The following SYN3 variants were observed in gnomAD, a reference collection of about 807,000 sequenced individuals.
The protein encoded by SYN3 is synapsin-3.
In SYN3, 35 loss-of-function variants were observed where a neutral mutation model predicts 65.8. That is an observed-to-expected ratio of 0.53 (90% confidence interval 0.41 to 0.70). The LOEUF (loss-of-function observed/expected upper bound fraction) is 0.70. Among genes scored for constraint, SYN3 ranks in the 30% least tolerant of loss-of-function variants. The pLI is 0.00. For synonymous variants in SYN3, 270 were observed against 292.9 expected (o/e 0.92, Z 0.80); for missense variants, 680 against 749.0 (o/e 0.91, Z 1.08).
chr22:32,980,613 T>C lies in SYN3; in HGVS notation c.369+32A>G. 5 of 1,608,748 alleles carry C rather than the reference T, an allele frequency of 3.1e-6. No homozygotes were observed. The South Asian group carries it at 3.3e-5, about 11-fold the overall frequency. On this transcript the variant is annotated intron_variant, in intron 3 of 13. Coordinates refer to ENST00000358763, the MANE Select transcript of SYN3 (RefSeq NM_003490.4). The stretch of plus-strand genomic sequence containing the variant: ...CAGCCCCAGCGGCAGAAAAGGTCAG[T>C]TGACAGTGCTAAAGACACAGCTCCC...
rs1257793508 is a variant in SYN3, at chr22:32,512,879, CA to C, written c.*812del. On this transcript the variant is annotated 3_prime_UTR_variant, in exon 14 of 14. Transcript: ENST00000358763. ...AAACAGTGGTGGAACAGAATGGGTACAGGAGCCCTAACCTGACCCTTTCCTT... is the reference window on the plus strand; with the variant it reads ...AAACAGTGGTGGAACAGAATGGGTACGGAGCCCTAACCTGACCCTTTCCTT... 7 of 152,222 alleles carry C rather than the reference CA, an allele frequency of 4.6e-5. No individual in the cohort carries two copies. The highest frequency in any genetic ancestry group is 3.2e-3 in the Middle Eastern group (1 of 316). 9.4% of individuals were successfully genotyped at this position (152,222 alleles called of 1,614,324 possible).
chr22:32,680,087 A>G (rs2060503937), intron 6 of SYN3, among the ~76,000 whole-genome samples: 1 of 152,114 alleles, frequency 6.6e-6, no homozygotes, highest in African/African-American at 2.4e-5. Flanking sequence ...AGGTTCAGGT[A>G]ATATTCTGTA....
At chr22:33,010,837 T>C (rs769520792) in intron 1 of SYN3, among the ~76,000 whole-genome samples, 13 of 152,166 alleles carry the variant, frequency 8.5e-5, no homozygotes, top group Non-Finnish European at 1.5e-4. Flanking sequence ...TTTTGCTAAA[T>C]TTATTCCTAT....
intron 7 of SYN3, among the ~76,000 whole-genome samples, chr22:32,548,576 G>A (rs1378781407): frequency 6.6e-6 from 1 of 151,800 alleles, no homozygotes; most frequent in African/African-American, 2.4e-5. Context: ...GTTTCACCAT[G>A]TTAGCCAGGA....
chr22:32,715,778 C>CAAAAAA, intron 6 of SYN3, among the ~76,000 whole-genome samples: 1 of 67,592 alleles, frequency 1.5e-5, no homozygotes, highest in Non-Finnish European at 3.0e-5. Context: ...GACTCTGTCT[C>CAAAAAA]AAAAAAAAAA....
chr22:32,885,722 AG>A (rs1271683072), intron 4 of SYN3, among the ~76,000 whole-genome samples: 7 of 151,940 alleles, frequency 4.6e-5, no homozygotes, highest in Non-Finnish European at 1.0e-4. Flanking sequence ...CACCATGCCC[AG>A]CTAATTTTTG....
chr22:32,769,377 C>T (rs921924523), intron 6 of SYN3, among the ~76,000 whole-genome samples: 10 of 152,182 alleles, frequency 6.6e-5, no homozygotes, highest in Non-Finnish European at 1.5e-4. Flanking sequence ...CTGCACTTGA[C>T]ATAGTTGATC....
chr22:33,004,982 T>C lies in SYN3; in HGVS notation c.311+1370A>G, dbSNP rs142223513. Among the ~76,000 whole-genome samples, 36 of 152,258 alleles carry C rather than the reference T, an allele frequency of 2.4e-4. No homozygotes were observed. The East Asian group carries it at 5.6e-3, about 24-fold the overall frequency. On this transcript the variant is annotated intron_variant, in intron 2 of 13. Transcript: ENST00000358763. The stretch of plus-strand genomic sequence containing the variant: ...GGTTACCCCCACGTTGGTGTTCTCA[T>C]TGTAGTGAGTGAGTTCTCACAAGAG...
intron 7 of SYN3, among the ~76,000 whole-genome samples, chr22:32,556,804 G>GTTTTTTTTTTTTTTT (rs1555895619): frequency 2.3e-5 from 1 of 43,884 alleles, no homozygotes; most frequent in Admixed American, 3.4e-4. Flanking sequence ...AGGTTTCCTG[G>GTTTTTTTTTTTTTTT]TTTTTTTTTT....
chr22:32,882,962 C>A (rs777169546), intron 4 of SYN3, among the ~76,000 whole-genome samples: 2 of 152,136 alleles, frequency 1.3e-5, no homozygotes, highest in Non-Finnish European at 2.9e-5. Flanking sequence ...CCACCAGGCC[C>A]TGACTGTGTC....
At chr22:32,528,215 C>T (rs2058013514) in intron 11 of SYN3, among the ~76,000 whole-genome samples, 1 of 152,196 alleles carries the variant, frequency 6.6e-6, no homozygotes, top group African/African-American at 2.4e-5. Flanking sequence ...GCATTCTCTG[C>T]GATAAAGCCT....
intron 2 of SYN3, among the ~76,000 whole-genome samples, chr22:32,982,967 A>C (rs1353594545): frequency 6.6e-6 from 1 of 152,222 alleles, no homozygotes; most frequent in Non-Finnish European, 1.5e-5. Context: ...TTCTAATTCC[A>C]TATCTGTGCT....
At chr22:32,935,243 T>G (rs999393367) in intron 3 of SYN3, among the ~76,000 whole-genome samples, 8 of 152,054 alleles carry the variant, frequency 5.3e-5, no homozygotes, top group African/African-American at 1.9e-4. Flanking sequence ...ACCAAAAACA[T>G]GCGCATAGAA....
intron 6 of SYN3, chr22:32,784,911 C>T (rs2046153816): frequency 6.6e-6 from 1 of 152,126 alleles, no homozygotes; most frequent in South Asian, 2.1e-4. Context: ...GGGCTTGAGC[C>T]CCAACTGTGC....
chr22:32,637,630 CTTTTTTTTTTTT>C lies in SYN3; in HGVS notation c.712-40906_712-40895del, dbSNP rs1185407986. On this transcript the variant is annotated intron_variant, in intron 6 of 13. Transcript: ENST00000358763. Reference sequence around the variant, plus strand: ...AGTTAGGTTTTCTTTTTTTCTTTTTCTTTTTTTTTTTTTTTTTTTTTTTTTGAGACAGGGTCT... The same window carrying C: ...AGTTAGGTTTTCTTTTTTTCTTTTTCTTTTTTTTTTTTTGAGACAGGGTCT... Among the ~76,000 whole-genome samples, 907 of 93,608 alleles carry C rather than the reference CTTTTTTTTTTTT, an allele frequency of 9.7e-3. 15 individuals carry two copies. Among genetic ancestry groups the C allele is most frequent in the African/African-American group, 0.035 (813 of 23,182 alleles). 61.4% of individuals were successfully genotyped at this position (93,608 alleles called of 152,430 possible).
At chr22:32,728,524 G>C (rs569916686) in intron 6 of SYN3, among the ~76,000 whole-genome samples, 15 of 152,326 alleles carry the variant, frequency 9.8e-5, no homozygotes, top group Middle Eastern at 3.4e-3. Flanking sequence ...CAGTTTCTCA[G>C]AGAGGCTGAC....
chr22:32,864,111 C>T (rs2048622260), intron 6 of SYN3, among the ~76,000 whole-genome samples: 1 of 152,164 alleles, frequency 6.6e-6, no homozygotes, highest in Non-Finnish European at 1.5e-5. Flanking sequence ...AGCTTGGACT[C>T]TACAAACAGC....
chr22:32,564,372 C>T (rs1040737704), intron 7 of SYN3, among the ~76,000 whole-genome samples: 2 of 152,168 alleles, frequency 1.3e-5, no homozygotes, highest in South Asian at 2.1e-4. Context: ...AATCTGGCTT[C>T]GCAGCTCCCA....
intron 3 of SYN3, among the ~76,000 whole-genome samples, chr22:32,957,227 TC>T (rs1332633261): frequency 6.6e-6 from 1 of 152,166 alleles, no homozygotes; most frequent in Non-Finnish European, 1.5e-5. Context: ...TCCTCTTTTC[TC>T]CCAAGCTGCC....
Sources: gnomAD v4.1 joint callset for allele counts (sites outside exome capture counted in the v4.1 genomes callset) on GRCh38, gnomAD v4.1.1 for gene constraint, MANE v1.5 for transcripts, NCBI Gene and HGNC (gene_info 2026-07-23, HGNC 2026-07-21) for gene names.